NLRP1: variants seen among roughly 807,000 people sequenced by gnomAD.
NLRP1 encodes NLR family pyrin domain containing 1, also known as NACHT, LRR and PYD domains-containing protein 1.
Under a neutral mutation model 136.7 loss-of-function variants are expected in NLRP1, and 94 were observed. That is an observed-to-expected ratio of 0.69 (90% CI 0.58 to 0.82). NLRP1 has a LOEUF of 0.82. NLRP1 is among the 40% of genes least tolerant of loss of function. The pLI, the probability that NLRP1 is intolerant of heterozygous loss-of-function variation, is 0.00. For missense variants in NLRP1, 1,575 were observed against 1,802.7 expected (o/e 0.87, Z 2.29); for synonymous variants, 690 against 725.1 (o/e 0.95, Z 0.78).
intron 5 of NLRP1, among the ~76,000 whole-genome samples, chr17:5,552,832 G>C (rs1179191967): frequency 6.6e-6 from 1 of 152,090 alleles, no homozygotes; most frequent in Non-Finnish European, 1.5e-5. Flanking sequence ...TTACTAATTG[G>C]TTTCCCAGCC....
At chr17:5,557,594 T>C (rs1187587915) in intron 4 of NLRP1, among the ~76,000 whole-genome samples, 2 of 152,238 alleles carry the variant, frequency 1.3e-5, no homozygotes, top group South Asian at 2.1e-4. Context: ...GGGCCTGGCA[T>C]AGAATCAGTG....
intron 3 of NLRP1, among the ~76,000 whole-genome samples, chr17:5,573,003 C>T (rs1904579568): frequency 6.6e-6 from 1 of 152,144 alleles, no homozygotes; most frequent in Non-Finnish European, 1.5e-5. Flanking sequence ...CGAGCATAAG[C>T]CAAAGCAGGG....
chr17:5,575,099 G>A (rs1484888534), intron 3 of NLRP1, among the ~76,000 whole-genome samples: 2 of 152,118 alleles, frequency 1.3e-5, no homozygotes, highest in Non-Finnish European at 2.9e-5. Context: ...CACCAGGCCT[G>A]CCCTAAAAGA....
intron 13 of NLRP1, 131 bp from the exon 14 acceptor site, chr17:5,521,143 C>T (rs1425156609): frequency 2.3e-6 from 2 of 869,868 alleles, no homozygotes; most frequent in Non-Finnish European, 3.5e-6. Context: ...TCCCTCCCCC[C>T]ATGCACTGCT....
chr17:5,544,656 A>G (rs1270156377), intron 5 of NLRP1, among the ~76,000 whole-genome samples: 3 of 152,214 alleles, frequency 2.0e-5, no homozygotes, highest in Non-Finnish European at 2.9e-5. Flanking sequence ...AGGTTGAGAG[A>G]GAAACTATGG....
At position 5,559,275 on chromosome 17, in the gene NLRP1, C is replaced by T. The variant is rs139498137; in HGVS notation, c.1421G>A (p.Arg474His). 1.9e-5 allele frequency: 30 copies of T among 1,614,056 alleles called. No individual in the cohort carries two copies. Among genetic ancestry groups the T allele is most frequent in the South Asian group, 1.6e-4 (15 of 91,090 alleles). Residue 474 changes from arginine to histidine, a missense_variant, in exon 4 of 17, where the codon CGT becomes CAT. Coordinates refer to ENST00000572272, the MANE Select transcript of NLRP1 (RefSeq NM_033004.4). ...QNLIPSLEQA[R>H]WVEVLGFSES... Reference sequence around the variant, plus strand: ...AGAGAACCCCAGGACCTCTACCCAACGTGCCTGCTCCAAAGAAGGAATGAG... The same window carrying T: ...AGAGAACCCCAGGACCTCTACCCAATGTGCCTGCTCCAAAGAAGGAATGAG...
chr17:5,554,252 A>G (rs12943126), intron 4 of NLRP1, among the ~76,000 whole-genome samples: 10,020 of 152,236 alleles, frequency 0.066, 420 homozygotes, highest in African/African-American at 0.11. Context: ...CCTGAGGGGA[A>G]GAGATGACGG....
intron 15 of NLRP1, chr17:5,502,045 G>T: frequency 1.7e-6 from 1 of 604,836 alleles, no homozygotes; most frequent in Non-Finnish European, 3.0e-6. Flanking sequence ...ATGCTGAAAC[G>T]CTGTAACCAG....
chr17:5,540,054 A>G (rs1911672568), intron 6 of NLRP1, among the ~76,000 whole-genome samples: 1 of 152,114 alleles, frequency 6.6e-6, no homozygotes, highest in African/African-American at 2.4e-5. Flanking sequence ...CAGCAGTTCC[A>G]TTTTTCGGAA....
intron 3 of NLRP1, among the ~76,000 whole-genome samples, 160 bp from the exon 4 acceptor site, chr17:5,560,203 G>A (rs999055121): frequency 2.0e-5 from 3 of 152,238 alleles, no homozygotes; most frequent in African/African-American, 4.8e-5. Context: ...GTGCTTTGGG[G>A]TAGAATATCC....
chr17:5,528,822 T>A (rs1349760236), intron 12 of NLRP1, among the ~76,000 whole-genome samples: 1 of 152,198 alleles, frequency 6.6e-6, no homozygotes, highest in East Asian at 1.9e-4. Flanking sequence ...TTTACCTCTA[T>A]TCCTGGGAAA....
At chr17:5,502,069 T>G in intron 15 of NLRP1, 1 of 559,484 alleles carries the variant, frequency 1.8e-6, no homozygotes, top group Non-Finnish European at 3.3e-6. Context: ...GCTGTTCCTC[T>G]CTATCCTACA....
chr17:5,555,341 G>T, intron 4 of NLRP1, among the ~76,000 whole-genome samples: 1 of 151,996 alleles, frequency 6.6e-6, no homozygotes, highest in East Asian at 1.9e-4. Flanking sequence ...CTTTCTTCCT[G>T]AACTTTCTTG....
intron 12 of NLRP1, chr17:5,529,850 A>T: frequency 2.6e-6 from 1 of 379,116 alleles, no homozygotes; most frequent in South Asian, 2.0e-5. Flanking sequence ...TGATTCTGGT[A>T]TCTGTCGTTT....
chr17:5,567,922 C>T (rs1057415196), intron 3 of NLRP1, among the ~76,000 whole-genome samples: 6 of 152,144 alleles, frequency 3.9e-5, no homozygotes, highest in East Asian at 1.9e-4. Context: ...GAAAAGTCTG[C>T]GGCCAGATGT....
rs974962848 is a variant in NLRP1 at position 5,561,590 on chromosome 17, C to T, written c.653-1547G>A. On this transcript the variant is annotated intron_variant, in intron 3 of 16. Transcript: ENST00000572272. ...TCCCGAGTAGCTGGGACTACAGGCG[C>T]CCGCCACCGCGCCCGGCTAATTTTT... Among the ~76,000 whole-genome samples, 18 of 101,532 alleles carry T rather than the reference C, an allele frequency of 1.8e-4. 2 individuals are homozygous for T. Among genetic ancestry groups the T allele is most frequent in the Admixed American group, 7.1e-4 (7 of 9,888 alleles). The allele number at this position is 101,532 out of a possible 152,430, so 66.6% of individuals were successfully genotyped here. A position where few individuals can be genotyped will look rare whatever the true frequency, so the allele number is the denominator to read the frequency against.
intron 3 of NLRP1, among the ~76,000 whole-genome samples, chr17:5,574,363 A>C (rs1438374965): frequency 1.3e-5 from 2 of 152,210 alleles, no homozygotes; most frequent in African/African-American, 2.4e-5. Flanking sequence ...GGAGAATGGA[A>C]CCAAGTTGGA....
intron 3 of NLRP1, among the ~76,000 whole-genome samples, chr17:5,571,908 C>G (rs1009414980): frequency 6.6e-6 from 1 of 152,084 alleles, no homozygotes; most frequent in Admixed American, 6.5e-5. Flanking sequence ...GACACATAGA[C>G]CAATGGAACA....
chr17:5,572,959 AGACAGTGGGTGCAG>A (rs996601928), intron 3 of NLRP1, among the ~76,000 whole-genome samples: 2 of 152,162 alleles, frequency 1.3e-5, no homozygotes, highest in African/African-American at 4.8e-5. Context: ...GGGGCTTGTC[AGACAGTGGGTGCAG>A]GACAGTGGGT....
Sources: gnomAD v4.1 joint callset for allele counts (sites outside exome capture counted in the v4.1 genomes callset) on GRCh38, gnomAD v4.1.1 for gene constraint, MANE v1.5 for transcripts, NCBI Gene and HGNC (gene_info 2026-07-23, HGNC 2026-07-21) for gene names.